The following LRMDA variants were observed in gnomAD, a reference collection of about 807,000 sequenced individuals.
LRMDA encodes the protein leucine-rich melanocyte differentiation-associated protein.
In LRMDA, 18 loss-of-function variants were observed where a neutral mutation model predicts 29.8. The ratio of observed to expected loss-of-function variants is 0.60; its 90% CI spans 0.42 to 0.90. The LOEUF (loss-of-function observed/expected upper bound fraction) is 0.90. Among genes scored for constraint, LRMDA ranks in the 40% least tolerant of loss-of-function variants. The probability of loss-of-function intolerance (pLI) is 0.00; values close to 1 mark genes in which losing one functional copy is unlikely to be tolerated. For synonymous variants in LRMDA, 125 were observed against 109.4 expected (o/e 1.14, Z -0.89); for missense variants, 273 against 273.9 (o/e 1.00, Z 0.02).
chr10:76,451,391 C>T (rs944853482), intron 6 of LRMDA, among the ~76,000 whole-genome samples: 1 of 151,836 alleles, frequency 6.6e-6, no homozygotes, highest in African/African-American at 2.4e-5. Flanking sequence ...ATTTTCAGTA[C>T]AGACGGGGTT....
At chr10:75,761,737 G>A (rs1031900108) in intron 2 of LRMDA, among the ~76,000 whole-genome samples, 3 of 150,770 alleles carry the variant, frequency 2.0e-5, no homozygotes, top group African/African-American at 7.3e-5. Context: ...TATCTAAGAA[G>A]CAAGGAGAAT....
chr10:75,548,090 G>A (rs1237791141), intron 2 of LRMDA, among the ~76,000 whole-genome samples: 3 of 149,528 alleles, frequency 2.0e-5, no homozygotes, highest in African/African-American at 7.5e-5. Context: ...GTGAAGGACA[G>A]CATTTAAAAG....
At chr10:75,470,301 A>G (rs1844710351) in intron 2 of LRMDA, among the ~76,000 whole-genome samples, 1 of 152,228 alleles carries the variant, frequency 6.6e-6, no homozygotes, top group Non-Finnish European at 1.5e-5. Context: ...ATTTGAGACC[A>G]GCCTGGGCAA....
chr10:76,049,652 G>A (rs981470848), intron 4 of LRMDA, among the ~76,000 whole-genome samples: 1 of 152,128 alleles, frequency 6.6e-6, no homozygotes, highest in Non-Finnish European at 1.5e-5. Context: ...CCTCGAGTTT[G>A]TGCTCCATTT....
At chr10:76,460,359 C>T (rs1842499713) in intron 6 of LRMDA, among the ~76,000 whole-genome samples, 1 of 152,174 alleles carries the variant, frequency 6.6e-6, no homozygotes, top group Admixed American at 6.5e-5. Context: ...ATTTGTATTT[C>T]TAGAAGTTAT....
At position 75,880,424 on chromosome 10, in the gene LRMDA, G is replaced by C. The variant is rs534697320; in HGVS notation, c.132-155584G>C. 6.4e-4 allele frequency among the ~76,000 whole-genome samples: 98 copies of C among 152,344 alleles called. 1 individual carries two copies. The highest frequency in any genetic ancestry group is 1.3e-3 in the Non-Finnish European group (86 of 68,032). ...TCACGCTAACATTTTACAAATTTCTGTGTAAGCCCTAAAACATTTTCAAAG... is the reference window on the plus strand; with the variant it reads ...TCACGCTAACATTTTACAAATTTCTCTGTAAGCCCTAAAACATTTTCAAAG... On this transcript the variant is annotated intron_variant, in intron 2 of 6. Transcript: ENST00000611255.
At chr10:75,756,475 C>T (rs1314752895) in intron 2 of LRMDA, among the ~76,000 whole-genome samples, 1 of 152,158 alleles carries the variant, frequency 6.6e-6, no homozygotes, top group Non-Finnish European at 1.5e-5. Context: ...CAGCCTTGGC[C>T]TGCCTGCCTT....
At chr10:75,820,615 A>G (rs1277090615) in intron 2 of LRMDA, among the ~76,000 whole-genome samples, 1 of 152,194 alleles carries the variant, frequency 6.6e-6, no homozygotes, top group African/African-American at 2.4e-5. Context: ...AAACTAGAAA[A>G]ACAAGAACAA....
intron 2 of LRMDA, among the ~76,000 whole-genome samples, chr10:75,660,702 A>G (rs570920466): frequency 4.2e-4 from 63 of 151,360 alleles, no homozygotes; most frequent in Non-Finnish European, 8.2e-4. Flanking sequence ...GGTGTTCACC[A>G]TGTTTTTTTT....
chr10:76,320,672 A>G (rs1217184950), intron 5 of LRMDA, among the ~76,000 whole-genome samples: 1 of 152,240 alleles, frequency 6.6e-6, no homozygotes, highest in Non-Finnish European at 1.5e-5. Flanking sequence ...ACTTTTAAAA[A>G]TAATGAACAC....
chr10:75,979,559 G>A (rs1456327958), intron 2 of LRMDA, among the ~76,000 whole-genome samples: 1 of 152,148 alleles, frequency 6.6e-6, no homozygotes, highest in African/African-American at 2.4e-5. Context: ...CTAGGATAGG[G>A]TTAAGTAATT....
At chr10:76,387,563 G>A (rs930773766) in intron 6 of LRMDA, among the ~76,000 whole-genome samples, 12 of 151,114 alleles carry the variant, frequency 7.9e-5, no homozygotes, top group East Asian at 5.8e-4. Flanking sequence ...TGATCATGCC[G>A]CTGCACTCCA....
intron 2 of LRMDA, among the ~76,000 whole-genome samples, chr10:75,623,632 G>T (rs1841214997): frequency 1.3e-5 from 2 of 152,124 alleles, no homozygotes; most frequent in African/African-American, 4.8e-5. Flanking sequence ...CTTTGTTGTT[G>T]TTATTTTCAA....
At chr10:75,900,564 A>G (rs1845653556) in intron 2 of LRMDA, among the ~76,000 whole-genome samples, 1 of 152,198 alleles carries the variant, frequency 6.6e-6, no homozygotes, top group African/African-American at 2.4e-5. Context: ...ACAAGAAAAA[A>G]GAGATTGATT....
intron 5 of LRMDA, among the ~76,000 whole-genome samples, chr10:76,150,563 A>G (rs891379581): frequency 1.1e-4 from 16 of 152,302 alleles, no homozygotes; most frequent in Admixed American, 3.9e-4. Flanking sequence ...GCAAGGTTAA[A>G]TGAAGTCTTC....
chr10:76,506,974 C>A (rs1842965259), intron 6 of LRMDA, among the ~76,000 whole-genome samples: 1 of 151,966 alleles, frequency 6.6e-6, no homozygotes, highest in Non-Finnish European at 1.5e-5. Context: ...TGGACATATA[C>A]CCAGCAGTGG....
intron 5 of LRMDA, among the ~76,000 whole-genome samples, chr10:76,090,768 A>G (rs766633154): frequency 6.6e-6 from 1 of 152,194 alleles, no homozygotes; most frequent in Non-Finnish European, 1.5e-5. Flanking sequence ...GTGAAATAAA[A>G]CACTCACAAA....
chr10:76,392,670 A>C (rs76091532), intron 6 of LRMDA, among the ~76,000 whole-genome samples: 4,254 of 151,796 alleles, frequency 0.028, 54 homozygotes, highest in African/African-American at 0.043. Flanking sequence ...TGTGTCACAT[A>C]GTTTATTATT....
intron 2 of LRMDA, among the ~76,000 whole-genome samples, chr10:75,715,936 C>G (rs1308317589): frequency 6.6e-6 from 1 of 151,840 alleles, no homozygotes; most frequent in Non-Finnish European, 1.5e-5. Context: ...TAAATCATTA[C>G]AGTCTTTCAG....
Sources: gnomAD v4.1 joint callset for allele counts (sites outside exome capture counted in the v4.1 genomes callset) on GRCh38, gnomAD v4.1.1 for gene constraint, MANE v1.5 for transcripts, NCBI Gene and HGNC (gene_info 2026-07-23, HGNC 2026-07-21) for gene names.